CACNA1E: variants seen among roughly 807,000 people sequenced by gnomAD.
CACNA1E encodes voltage-dependent R-type calcium channel subunit alpha-1E.
A neutral mutation model predicts 259.2 loss-of-function variants in CACNA1E; 40 were observed. The ratio of observed to expected loss-of-function variants is 0.15; its 90% CI spans 0.12 to 0.20. The LOEUF is 0.20. Ranked by LOEUF, CACNA1E falls within the 10% of genes least tolerant of loss-of-function variation. CACNA1E has a pLI of 1.00. For synonymous variants in CACNA1E, 1,104 were observed against 1,138.5 expected (o/e 0.97, Z 0.61); for missense variants, 1,874 against 3,040.1 (o/e 0.62, Z 9.02).
At chr1:181,669,689 G>GAAC (rs1377988355) in intron 7 of CACNA1E, among the ~76,000 whole-genome samples, 1 of 152,138 alleles carries the variant, frequency 6.6e-6, no homozygotes, top group Non-Finnish European at 1.5e-5. Flanking sequence ...GGCCTCAAGT[G>GAAC]AACAAATCAA....
chr1:181,404,080 T>A (rs1213718855), intron 1 of CACNA1E, among the ~76,000 whole-genome samples: 4 of 152,228 alleles, frequency 2.6e-5, no homozygotes, highest in Admixed American at 2.0e-4. Flanking sequence ...CACATGCCTT[T>A]TCCTTAACTA....
At chr1:181,474,937 G>A (rs1662746883) in intron 2 of CACNA1E, among the ~76,000 whole-genome samples, 1 of 152,098 alleles carries the variant, frequency 6.6e-6, no homozygotes, top group Non-Finnish European at 1.5e-5. Flanking sequence ...TTCCTACAAG[G>A]GAAGTAAATA....
At chr1:181,357,925 TGA>T (rs1242722290) in intron 1 of CACNA1E, among the ~76,000 whole-genome samples, 2 of 152,010 alleles carry the variant, frequency 1.3e-5, no homozygotes, top group Admixed American at 1.3e-4. Context: ...TCATTCGTGG[TGA>T]GTGGAGAAAA....
intron 2 of CACNA1E, among the ~76,000 whole-genome samples, chr1:181,420,204 C>A (rs1658622202): frequency 6.6e-6 from 1 of 152,168 alleles, no homozygotes; most frequent in Non-Finnish European, 1.5e-5. Context: ...GACTAGAAAC[C>A]AACCTGGGAG....
intron 2 of CACNA1E, among the ~76,000 whole-genome samples, chr1:181,474,488 T>A (rs955049917): frequency 6.6e-6 from 1 of 152,240 alleles, no homozygotes; most frequent in Non-Finnish European, 1.5e-5. Context: ...AAACTTCCCG[T>A]AGCATGGGAA....
At chr1:181,716,232 C>A (rs1011130507) in intron 10 of CACNA1E, 103 bp downstream of exon 10, 2 of 630,254 alleles carry the variant, frequency 3.2e-6, no homozygotes, top group East Asian at 6.2e-5. Context: ...TCCAAAGGGT[C>A]CAGAATTTAG....
intron 3 of CACNA1E, among the ~76,000 whole-genome samples, chr1:181,524,445 C>T (rs143917801): frequency 1.1e-3 from 170 of 152,300 alleles, no homozygotes; most frequent in South Asian, 7.1e-3. Flanking sequence ...TAAAATACCT[C>T]TCTTGCAAGA....
chr1:181,570,650 T>G (rs1340676832), intron 3 of CACNA1E, among the ~76,000 whole-genome samples: 1 of 152,232 alleles, frequency 6.6e-6, no homozygotes, highest in East Asian at 1.9e-4. Context: ...TACATTCTTG[T>G]GTTCTTTGGC....
chr1:181,782,024 A>AACTC (rs1660473251), intron 39 of CACNA1E, among the ~76,000 whole-genome samples: 1 of 152,228 alleles, frequency 6.6e-6, no homozygotes, highest in African/African-American at 2.4e-5. Context: ...GAGAGAGGAA[A>AACTC]ACTCATAACA....
intron 3 of CACNA1E, among the ~76,000 whole-genome samples, chr1:181,551,026 AG>A (rs1429645571): frequency 6.6e-6 from 1 of 151,146 alleles, no homozygotes; most frequent in African/African-American, 2.4e-5. Context: ...GGGCTTTTGG[AG>A]GGGTGGGGAA....
chr1:181,589,991 A>C (rs1652467088), intron 6 of CACNA1E, among the ~76,000 whole-genome samples: 1 of 152,166 alleles, frequency 6.6e-6, no homozygotes, highest in Non-Finnish European at 1.5e-5. Flanking sequence ...TGGATGTACT[A>C]ACTTTCCCTT....
intron 1 of CACNA1E, among the ~76,000 whole-genome samples, chr1:181,355,829 T>A (rs1383481272): frequency 6.6e-6 from 1 of 152,154 alleles, no homozygotes; most frequent in East Asian, 1.9e-4. Flanking sequence ...GAGGAGATAC[T>A]GAGAGTGGAG....
At chr1:181,570,031 G>C (rs1010343255) in intron 3 of CACNA1E, among the ~76,000 whole-genome samples, 1 of 152,176 alleles carries the variant, frequency 6.6e-6, no homozygotes, top group Non-Finnish European at 1.5e-5. Flanking sequence ...TTGGCTCACA[G>C]AGTTAGAGCC....
chr1:181,414,635 T>C (rs1046479805), intron 2 of CACNA1E, among the ~76,000 whole-genome samples: 1 of 152,224 alleles, frequency 6.6e-6, no homozygotes, highest in East Asian at 1.9e-4. Context: ...TGTCTTTAAG[T>C]GCCAGGCAAC....
chr1:181,332,325 T>A (rs572740914), intron 1 of CACNA1E, among the ~76,000 whole-genome samples: 25 of 152,324 alleles, frequency 1.6e-4, no homozygotes, highest in Admixed American at 5.2e-4. Flanking sequence ...GGCACACATT[T>A]ACCTATGTAA....
Position 181,732,854 on chromosome 1 carries a change from A to G in CACNA1E, c.2768A>G (p.His923Arg), listed in dbSNP as rs1157364148. ...RHRQSQRRSR[H>R]RRVRTEGKES... The stretch of plus-strand genomic sequence containing the variant: ...AGGCAGAGCCAACGGCGCAGCCGGC[A>G]TCGCCGCGTCAGGACAGAAGGCAAG... The change falls in exon 20 of 48, where the codon CAT becomes CGT. Residue 923 changes from histidine to arginine, a missense_variant. Physicochemically the swap from His to Arg is conservative, Grantham distance 29 (BLOSUM62 0). Around this residue, in one of 14 missense-constraint regions of CACNA1E, gnomAD observed 476 missense variants for 514.0 expected, o/e 0.93. Transcript: ENST00000367573. This position sits in a 1 kb window ranked among gnomAD's most constrained non-coding sequence, Gnocchi z 5.5. 1.2e-6 allele frequency: 2 copies of G among 1,613,914 alleles called. No individual in the cohort carries two copies. The highest frequency in any genetic ancestry group is 4.5e-5 in the East Asian group (2 of 44,864).
At chr1:181,543,751 T>G (rs1215280820) in intron 3 of CACNA1E, among the ~76,000 whole-genome samples, 1 of 152,200 alleles carries the variant, frequency 6.6e-6, no homozygotes, top group South Asian at 2.1e-4. Flanking sequence ...GCAACATCAT[T>G]AGCCATTAGG....
At chr1:181,508,729 C>T (rs1189254709) in intron 1 of CACNA1E, among the ~76,000 whole-genome samples, 3 of 152,094 alleles carry the variant, frequency 2.0e-5, no homozygotes, top group Admixed American at 6.5e-5. Context: ...GCTGGGTGGG[C>T]GTCTGTGGTG....
chr1:181,562,123 A>AATTTTTTGCTATTATAGAT (rs1334198161), intron 3 of CACNA1E, among the ~76,000 whole-genome samples: 1 of 151,836 alleles, frequency 6.6e-6, no homozygotes, highest in African/African-American at 2.4e-5. Flanking sequence ...ATGATTTTTA[A>AATTTTTTGCTATTATAGAT]ATTTTTTGCT....
Sources: gnomAD v4.1 joint callset for allele counts (sites outside exome capture counted in the v4.1 genomes callset) on GRCh38, gnomAD v4.1.1 for gene constraint, gnomAD v4.1.1 regional missense constraint, Gnocchi (gnomAD v3.1) non-coding constraint, MANE v1.5 for transcripts, NCBI Gene and HGNC (gene_info 2026-07-23, HGNC 2026-07-21) for gene names.